PLEKHM2: variants seen among roughly 807,000 people sequenced by gnomAD.
PLEKHM2 encodes pleckstrin homology and RUN domain containing M2.
In PLEKHM2, 77 loss-of-function variants were observed where a neutral mutation model predicts 116.3. The observed-to-expected ratio is 0.66, with a 90% CI of 0.55 to 0.80. The LOEUF (loss-of-function observed/expected upper bound fraction) is 0.80. Ranked by LOEUF, PLEKHM2 falls within the 30% of genes least tolerant of loss-of-function variation. PLEKHM2 has a pLI of 0.00. For synonymous variants in PLEKHM2, 562 were observed against 571.0 expected, an observed-to-expected ratio of 0.98 and a Z score of 0.22; for missense variants, 1,183 against 1,354.9, an observed-to-expected ratio of 0.87 and a Z score of 1.99.
chr1:15,717,804 CTCTT>C, intron 3 of PLEKHM2, 85 bp from the exon 4 acceptor site: 1 of 817,226 alleles, frequency 1.2e-6, no homozygotes, highest in Non-Finnish European at 2.0e-6. Context: ...CCATTACCTG[CTCTT>C]TCTTTCCTTT....
chr1:15,719,897 G>A lies in PLEKHM2; in HGVS notation c.629G>A (p.Ser210Asn), dbSNP rs763783003. 1 of 1,613,466 alleles carries A rather than the reference G, an allele frequency of 6.2e-7. No homozygotes were observed. The highest frequency in any genetic ancestry group is 1.1e-5 in the South Asian group (1 of 90,952). ...TCCACCAACCTGGAGTGGGATGACA[G>A]TGCGATTGCCCCATCTAGTGAGGGT... ...VTSTNLEWDD[S>N]AIAPSSEDYD... is the part of the protein sequence containing the mutation. The change falls in exon 6 of 20, where the codon AGT (serine) becomes AAT (asparagine). Residue 210 changes from serine (S) to asparagine (N), a missense_variant. Ser to Asn is a conservative substitution (Grantham distance 46). Around this residue, in one of 3 missense-constraint regions of PLEKHM2, gnomAD observed 217 missense variants for 277.6 expected, o/e 0.78. Transcript: ENST00000375799. This position sits in a 1 kb window ranked among gnomAD's most constrained non-coding sequence, Gnocchi z 4.1.
At chr1:15,732,783 C>G (rs1310423804) in intron 19 of PLEKHM2, 55 bp downstream of exon 19, 1 of 1,219,158 alleles carries the variant, frequency 8.2e-7, no homozygotes, top group African/African-American at 1.5e-5. Context: ...GTGGGAGCCA[C>G]TCCCCGGGGA....
intron 1 of PLEKHM2, among the ~76,000 whole-genome samples, chr1:15,699,609 T>C (rs1641070386): frequency 6.6e-6 from 1 of 152,174 alleles, no homozygotes; most frequent in South Asian, 2.1e-4. Context: ...ACATTTGGGT[T>C]GGTTCCAAGT....
At chr1:15,725,829 G>C in intron 8 of PLEKHM2, 1 of 468,994 alleles carries the variant, frequency 2.1e-6, no homozygotes, top group South Asian at 2.6e-5. Flanking sequence ...GGGTGCCGGT[G>C]TGGCCAGCCT....
chr1:15,733,380 C>T (rs940617137), intron 19 of PLEKHM2, among the ~76,000 whole-genome samples: 19 of 152,272 alleles, frequency 1.2e-4, no homozygotes, highest in African/African-American at 4.3e-4. Flanking sequence ...TCTTCCTTGC[C>T]CTCCAGGCTG....
chr1:15,725,642 C>G (rs376222755), intron 8 of PLEKHM2, 97 bp downstream of exon 8: 40 of 861,096 alleles, frequency 4.6e-5, no homozygotes, highest in Non-Finnish European at 6.6e-5. Flanking sequence ...CGGGACACCC[C>G]CTGAGGGCAG....
chr1:15,725,821 G>T (rs1423831833), intron 8 of PLEKHM2: 1 of 485,524 alleles, frequency 2.1e-6, no homozygotes, highest in African/African-American at 1.9e-5. Context: ...CGAGGTCAGG[G>T]TGCCGGTGTG....
chr1:15,694,756 G>GTTT (rs111345595), intron 1 of PLEKHM2, among the ~76,000 whole-genome samples: 2 of 144,308 alleles, frequency 1.4e-5, no homozygotes, highest in African/African-American at 2.5e-5. Context: ...ATTTTGTTTT[G>GTTT]TTTTTTTTTT....
intron 7 of PLEKHM2, among the ~76,000 whole-genome samples, chr1:15,724,447 C>A (rs569762715): frequency 6.6e-6 from 1 of 151,372 alleles, no homozygotes; most frequent in Non-Finnish European, 1.5e-5. Context: ...CGCGCCACTG[C>A]GCTTCAGCCT....
chr1:15,722,300 C>T (rs542834735), intron 7 of PLEKHM2, among the ~76,000 whole-genome samples: 2 of 152,288 alleles, frequency 1.3e-5, no homozygotes, highest in African/African-American at 4.8e-5. Flanking sequence ...TGTGCCACCA[C>T]GCCCGGCTAA....
In PLEKHM2 at chr1:15,721,264, C is replaced by G; in HGVS notation, c.653-65C>G. On this transcript the variant is annotated intron_variant, in intron 6 of 19. Coordinates refer to ENST00000375799, the MANE Select transcript of PLEKHM2 (RefSeq NM_015164.4). The surrounding 1 kb of genome is among the most constrained non-coding windows in gnomAD (Gnocchi z 5.1). ...TGTCTCCCACCCCATTTCCCCTCCC[C>G]TCCCTCCAGTCATCCTTCCACTGCC... 2.1e-6 allele frequency: 2 copies of G among 954,120 alleles called. No individual in the cohort carries two copies. Among genetic ancestry groups the G allele is most frequent in the Non-Finnish European group, 3.3e-6 (2 of 605,924 alleles). The allele number at this position is 954,120 out of a possible 1,614,324, so 59.1% of individuals were successfully genotyped here. A position where few individuals can be genotyped will look rare whatever the true frequency, so the allele number is the denominator to read the frequency against.
chr1:15,732,155 G>C, intron 17 of PLEKHM2, 107 bp downstream of exon 17: 1 of 1,123,632 alleles, frequency 8.9e-7, no homozygotes, highest in Non-Finnish European at 1.3e-6. Flanking sequence ...GGGCCAAGAC[G>C]GACCTCCAGG....
intron 1 of PLEKHM2, among the ~76,000 whole-genome samples, chr1:15,687,900 C>T (rs983521194): frequency 5.3e-5 from 8 of 152,084 alleles, no homozygotes; most frequent in African/African-American, 1.2e-4. Flanking sequence ...AAGGATTTTA[C>T]GTGAAGAAAA....
chr1:15,700,457 T>A (rs1641088049), intron 1 of PLEKHM2, among the ~76,000 whole-genome samples: 1 of 152,150 alleles, frequency 6.6e-6, no homozygotes, highest in Non-Finnish European at 1.5e-5. Flanking sequence ...GTGCAGGAAG[T>A]GCCCCTGTCT....
chr1:15,685,497 T>G (rs1640749104), intron 1 of PLEKHM2, among the ~76,000 whole-genome samples: 1 of 148,954 alleles, frequency 6.7e-6, no homozygotes, highest in Admixed American at 6.7e-5. Context: ...GTGTGTGTGT[T>G]TGTGTAATTT....
chr1:15,693,162 T>G (rs1640922560), intron 1 of PLEKHM2, among the ~76,000 whole-genome samples: 1 of 151,292 alleles, frequency 6.6e-6, no homozygotes, highest in Non-Finnish European at 1.5e-5. Context: ...TGCCTCAGCC[T>G]CCTGAGTAGC....
intron 4 of PLEKHM2, 30 bp from the exon 5 acceptor site, chr1:15,718,508 G>A (rs530690743): frequency 2.2e-6 from 3 of 1,362,596 alleles, no homozygotes; most frequent in South Asian, 1.2e-5. Flanking sequence ...CAGACCCAGA[G>A]GCACCATCGT....
In PLEKHM2 at chr1:15,727,026, G is replaced by A; in HGVS notation, c.954G>A (p.Lys318=). 6.8e-7 allele frequency: 1 copy of A among 1,475,164 alleles called. No individual in the cohort carries two copies. Among genetic ancestry groups the A allele is most frequent in the Non-Finnish European group, 9.0e-7 (1 of 1,112,592 alleles). 91.4% of individuals were successfully genotyped at this position (1,475,164 alleles called of 1,614,324 possible). A position where few individuals can be genotyped will look rare whatever the true frequency, so the allele number is the denominator to read the frequency against. Residue 318 remains lysine, a synonymous_variant, in exon 9 of 20, where the codon AAG becomes AAA. Transcript: ENST00000375799. This position sits in a 1 kb window ranked among gnomAD's most constrained non-coding sequence, Gnocchi z 7.5. The part of the protein sequence containing the change: ...TELEVIRVTK[K]KKIGKKKKSR... ...GTTACTGTCCCAGGGTCACCAAGAA[G>A]AAGAAAATTGGCAAGAAGAAAAAGA...
chr1:15,732,749 C>T, intron 19 of PLEKHM2, 21 bp downstream of exon 19: 1 of 1,524,348 alleles, frequency 6.6e-7, no homozygotes, highest in Non-Finnish European at 9.0e-7. Flanking sequence ...GCCCAGGAAA[C>T]CCATTAGCCA....
Sources: gnomAD v4.1 joint callset for allele counts (sites outside exome capture counted in the v4.1 genomes callset) on GRCh38, gnomAD v4.1.1 for gene constraint, gnomAD v4.1.1 regional missense constraint, Gnocchi (gnomAD v3.1) non-coding constraint, MANE v1.5 for transcripts, NCBI Gene and HGNC (gene_info 2026-07-23, HGNC 2026-07-21) for gene names.